The following NCAPD2 variants were observed in gnomAD, a reference collection of about 807,000 sequenced individuals.
The protein encoded by NCAPD2 is non-SMC condensin I complex subunit D2.
In NCAPD2, 100 loss-of-function variants were observed where a neutral mutation model predicts 164.5. The observed-to-expected ratio is 0.61, with a 90% confidence interval of 0.52 to 0.72. The LOEUF (loss-of-function observed/expected upper bound fraction) is 0.72, where lower values mean the gene tolerates loss of function less well. Ranked by LOEUF, NCAPD2 falls within the 30% of genes least tolerant of loss-of-function variation. The pLI is 0.00. For synonymous variants in NCAPD2, 585 were observed against 642.6 expected, an observed-to-expected ratio of 0.91 and a Z score of 1.36; for missense variants, 1,560 against 1,749.2, an observed-to-expected ratio of 0.89 and a Z score of 1.93.
intron 22 of NCAPD2, 72 bp from the exon 23 acceptor site, chr12:6,527,705 A>G: frequency 7.0e-7 from 1 of 1,428,680 alleles, no homozygotes; most frequent in Non-Finnish European, 9.6e-7. Context: ...TTGTTCATGC[A>G]AAACAAAGTA....
At position 6,525,600 on chromosome 12, in the gene NCAPD2, G is replaced by A. The variant is rs1396924910; in HGVS notation, c.2232G>A (p.Gln744=). The change falls in exon 18 of 32, where the codon CAG becomes CAA. Residue 744 remains glutamine, a synonymous_variant. Coordinates refer to ENST00000315579, the MANE Select transcript of NCAPD2 (RefSeq NM_014865.4). ...CLEEILCEFV[Q]KDELKPAVTQ... The stretch of plus-strand genomic sequence containing the variant: ...CTCTTTAGCTCTGTGAGTTTGTGCA[G>A]AAGGATGAGTTGAAACCAGCAGTGA... The A allele has an allele frequency of 5.6e-6, 9 of 1,612,150 alleles. No homozygotes were observed. Among genetic ancestry groups the A allele is most frequent in the Non-Finnish European group, 7.6e-6 (9 of 1,179,728 alleles).
Position 6,516,872 on chromosome 12 carries a change from G to T in NCAPD2, c.1032G>T (p.Met344Ile). The T allele has an allele frequency of 6.2e-7, 1 of 1,614,092 alleles. No homozygotes were observed. The highest frequency in any genetic ancestry group is 8.5e-7 in the Non-Finnish European group (1 of 1,180,030). ...CTGTGCTGGCAGCCATGGCGGAGAT[G>T]GTGCTGCAGGTTCTCAGTGGCGATC... ...RNAVLAAMAEMVLQVLSGDQL... is the reference protein window; with the variant it reads ...RNAVLAAMAEIVLQVLSGDQL... The change falls in exon 10 of 32, where the codon ATG becomes ATT. Residue 344 changes from methionine to isoleucine, a missense_variant. Met to Ile is a conservative substitution (Grantham distance 10). Transcript: ENST00000315579.
At chr12:6,525,474 A>G in intron 17 of NCAPD2, 109 bp from the exon 18 acceptor site, 1 of 1,282,284 alleles carries the variant, frequency 7.8e-7, no homozygotes, top group Non-Finnish European at 1.1e-6. Flanking sequence ...TTCTCTTCCT[A>G]AGTATTACTT....
rs1201891353 is a variant in NCAPD2, at chr12:6,517,897, T to G, written c.1527T>G (p.Asn509Lys). The G allele has an allele frequency of 6.2e-7, 1 of 1,614,142 alleles. No individual in the cohort carries two copies. Among genetic ancestry groups the G allele is most frequent in the East Asian group, 2.2e-5 (1 of 44,884 alleles). ...AGGAGATTCCTGAGCAAATTGCCAA[T>G]ACAGAGACAACTGAAGATGTGAAAG... ...GEEEIPEQIA[N>K]TETTEDVKGR... Residue 509 changes from asparagine to lysine, a missense_variant, in exon 13 of 32, where the codon AAT (asparagine) becomes AAG (lysine). Transcript: ENST00000315579.
At chr12:6,529,341 G>T in intron 27 of NCAPD2, 172 bp from the exon 28 acceptor site, 1 of 656,536 alleles carries the variant, frequency 1.5e-6, no homozygotes, top group Non-Finnish European at 2.6e-6. Context: ...CGGGGGCGGG[G>T]TGGGGTCCCT....
chr12:6,518,089 T>G (rs1946221267), intron 13 of NCAPD2, 130 bp downstream of exon 13: 2 of 847,282 alleles, frequency 2.4e-6, no homozygotes, highest in Non-Finnish European at 3.7e-6. Flanking sequence ...GTAGATGTTT[T>G]CATGTAGTAA....
chr12:6,515,821 T>C (rs961079325), intron 9 of NCAPD2, among the ~76,000 whole-genome samples: 6 of 152,190 alleles, frequency 3.9e-5, no homozygotes, highest in African/African-American at 1.4e-4. Context: ...GATTTCCATG[T>C]TTCTGTCTCA....
At chr12:6,510,012 T>A in intron 3 of NCAPD2, 63 bp from the exon 4 acceptor site, 3 of 1,517,110 alleles carry the variant, frequency 2.0e-6, no homozygotes, top group Non-Finnish European at 2.7e-6. Flanking sequence ...TTAGATCTGA[T>A]CTGTTAGAAG....
chr12:6,501,806 G>T (rs935149062), intron 2 of NCAPD2, among the ~76,000 whole-genome samples: 3 of 152,174 alleles, frequency 2.0e-5, no homozygotes, highest in Non-Finnish European at 4.4e-5. Context: ...GGGGCAGAAA[G>T]CGAATGAAGG....
At chr12:6,496,059 C>CTTTTTTTTTTTT (rs11423649) in intron 2 of NCAPD2, among the ~76,000 whole-genome samples, 1 of 136,596 alleles carries the variant, frequency 7.3e-6, no homozygotes, top group Non-Finnish European at 1.6e-5. Context: ...TTTTGTTTTT[C>CTTTTTTTTTTTT]TTTTTTTTTT....
Position 6,526,204 on chromosome 12 carries a change from T to A in NCAPD2, c.2481+4T>A, listed in dbSNP as rs771675668. Reference sequence around the variant, plus strand: ...CAACATCTCGGACAGGAGAAAGGTATGTGGGGGTGGTTCCAAACTAAGGAG... The same window carrying A: ...CAACATCTCGGACAGGAGAAAGGTAAGTGGGGGTGGTTCCAAACTAAGGAG... On this transcript the variant is annotated splice_donor_region_variant and intron_variant, in intron 19 of 31. Transcript: ENST00000315579. 2.5e-6 allele frequency: 4 copies of A among 1,614,198 alleles called. No homozygotes were observed. The highest frequency in any genetic ancestry group is 1.6e-4 in the Middle Eastern group (1 of 6,062).
rs1320066565 is a variant in NCAPD2, at chr12:6,510,102, CAAA to C, written c.232_234del (p.Lys78del). On this transcript the variant is annotated inframe_deletion, in exon 4 of 32. Transcript: ENST00000315579. ...ACTTTCGAAGTATAGATCCTGGCCT[CAAA>C]GAAGATACTCTGCAATTCCTGATAA... is the stretch of plus-strand genomic sequence containing the variant. 4 of 1,612,950 alleles carry C rather than the reference CAAA, an allele frequency of 2.5e-6. No individual in the cohort carries two copies. Among genetic ancestry groups the C allele is most frequent in the Non-Finnish European group, 3.4e-6 (4 of 1,179,012 alleles).
chr12:6,500,504 A>G (rs915313748), intron 2 of NCAPD2, among the ~76,000 whole-genome samples: 17 of 152,238 alleles, frequency 1.1e-4, no homozygotes, highest in Admixed American at 7.9e-4. Context: ...GAGATTAGGT[A>G]GGAAGTGGTA....
chr12:6,513,627 T>C (rs1250491877), intron 6 of NCAPD2, among the ~76,000 whole-genome samples: 1 of 151,734 alleles, frequency 6.6e-6, no homozygotes, highest in Non-Finnish European at 1.5e-5. Flanking sequence ...AGTGATTAAC[T>C]GTATCACATG....
intron 2 of NCAPD2, 56 bp downstream of exon 2, chr12:6,495,281 GA>G: frequency 1.3e-6 from 2 of 1,588,448 alleles, no homozygotes; most frequent in Non-Finnish European, 1.7e-6. Flanking sequence ...ATCTCACATG[GA>G]ATTGCTACAT....
intron 16 of NCAPD2, 47 bp downstream of exon 16, chr12:6,523,049 C>T: frequency 6.3e-7 from 1 of 1,599,740 alleles, no homozygotes; most frequent in Non-Finnish European, 8.6e-7. Context: ...AGGTCAGCTT[C>T]TCACAGGACT....
At chr12:6,498,281 A>G (rs1592163714) in intron 2 of NCAPD2, among the ~76,000 whole-genome samples, 2 of 152,332 alleles carry the variant, frequency 1.3e-5, no homozygotes, top group Admixed American at 1.3e-4. Flanking sequence ...AACTTCTCCT[A>G]TAAATAAGAT....
At chr12:6,509,245 A>G (rs1308336022) in intron 2 of NCAPD2, among the ~76,000 whole-genome samples, 1 of 152,068 alleles carries the variant, frequency 6.6e-6, no homozygotes, top group East Asian at 1.9e-4. Flanking sequence ...ATAAGATATC[A>G]TCATCATTAT....
intron 2 of NCAPD2, among the ~76,000 whole-genome samples, chr12:6,503,458 CT>C (rs1489000610): frequency 2.0e-5 from 3 of 152,104 alleles, no homozygotes; most frequent in Non-Finnish European, 4.4e-5. Flanking sequence ...CCCCAGAGCC[CT>C]TTTTATAATA....
Sources: allele counts gnomAD v4.1 joint callset (sites outside exome capture counted in the v4.1 genomes callset), GRCh38; gene constraint gnomAD v4.1.1; transcripts MANE v1.5; gene names NCBI Gene and HGNC (gene_info 2026-07-23, HGNC 2026-07-21).